ACSF2: variants seen among roughly 807,000 people sequenced by gnomAD.
ACSF2 encodes the protein medium-chain acyl-CoA ligase ACSF2, mitochondrial.
In ACSF2, 52 loss-of-function variants were observed where a neutral mutation model predicts 79.3. The observed-to-expected ratio is 0.66, with a 90% CI of 0.53 to 0.83. The LOEUF is 0.83. ACSF2 is among the 40% of genes least tolerant of loss of function. ACSF2 has a pLI of 0.00. For synonymous variants in ACSF2, 283 were observed against 312.6 expected (o/e 0.91, Z 1.00); for missense variants, 661 against 803.3 (o/e 0.82, Z 2.14).
intron 1 of ACSF2, among the ~76,000 whole-genome samples, chr17:50,447,774 AG>A (rs1267095543): frequency 6.6e-6 from 1 of 152,212 alleles, no homozygotes; most frequent in Non-Finnish European, 1.5e-5. Flanking sequence ...TTGCTCACTT[AG>A]GATGAAAGCA....
At position 50,463,137 on chromosome 17, in the gene ACSF2, G is replaced by T. The variant is rs2143718901; in HGVS notation, c.793-19G>T. ...GGAGATGAGAAGGAGGCCAAGCCATGCCCTGTTTGCCTTGTCAGGGGACAA... is the reference window on the plus strand; with the variant it reads ...GGAGATGAGAAGGAGGCCAAGCCATTCCCTGTTTGCCTTGTCAGGGGACAA... On this transcript the variant is annotated intron_variant, in intron 6 of 15. Transcript: ENST00000300441. This position sits in a 1 kb window ranked among gnomAD's most constrained non-coding sequence, Gnocchi z 4.6. 1 of 1,607,970 alleles carries T rather than the reference G, an allele frequency of 6.2e-7. No homozygotes were observed. The highest frequency in any genetic ancestry group is 1.1e-5 in the South Asian group (1 of 90,862).
chr17:50,436,331 G>A (rs773311712), intron 1 of ACSF2, among the ~76,000 whole-genome samples: 10 of 151,670 alleles, frequency 6.6e-5, no homozygotes, highest in Admixed American at 2.6e-4. Context: ...GGGTTTCACC[G>A]TGTTAGCTAA....
chr17:50,426,896 T>C (rs1250520340), intron 1 of ACSF2: 3 of 1,535,356 alleles, frequency 2.0e-6, no homozygotes, highest in South Asian at 1.2e-5. Context: ...TATTTCCTTC[T>C]GTCCTCAGTG....
chr17:50,432,749 A>G (rs775827072), intron 1 of ACSF2, among the ~76,000 whole-genome samples: 53 of 152,246 alleles, frequency 3.5e-4, no homozygotes, highest in Non-Finnish European at 6.2e-4. Flanking sequence ...ACGGGAAAGC[A>G]AATCCCAGTC....
At chr17:50,435,176 T>C (rs1407684019) in intron 1 of ACSF2, among the ~76,000 whole-genome samples, 1 of 152,138 alleles carries the variant, frequency 6.6e-6, no homozygotes, top group Non-Finnish European at 1.5e-5. Context: ...GGCCTGTGTC[T>C]GGCTTTTTTT....
intron 2 of ACSF2, 141 bp from the exon 3 acceptor site, chr17:50,461,101 A>T: frequency 7.3e-7 from 1 of 1,366,884 alleles, no homozygotes; most frequent in Admixed American, 2.1e-5. Context: ...CCCAGGGCAG[A>T]CCCACTGAGG....
In ACSF2 at chr17:50,463,553, G is replaced by A; in HGVS notation, c.1046+1G>A. 1 of 1,613,748 alleles carries A rather than the reference G, an allele frequency of 6.2e-7. No homozygotes were observed. The highest frequency in any genetic ancestry group is 8.5e-7 in the Non-Finnish European group (1 of 1,179,874). ...CACTGGAGGCCATCAGCAGAGAGAG[G>A]TGGGCACTGGTGGACAGGCTACTTG... On this transcript the variant is annotated splice_donor_variant, in intron 8 of 15. Coordinates refer to ENST00000300441, the MANE Select transcript of ACSF2 (RefSeq NM_025149.6). LOFTEE classifies it high-confidence loss of function. This position sits in a 1 kb window ranked among gnomAD's most constrained non-coding sequence, Gnocchi z 4.6.
At chr17:50,454,083 T>C (rs1323716529) in intron 1 of ACSF2, among the ~76,000 whole-genome samples, 1 of 151,684 alleles carries the variant, frequency 6.6e-6, no homozygotes, top group Non-Finnish European at 1.5e-5. Flanking sequence ...GAGAATCACA[T>C]GAGCCCGGGA....
chr17:50,473,495 C>G (rs1042369804), intron 12 of ACSF2, 170 bp from the exon 13 acceptor site: 2 of 845,782 alleles, frequency 2.4e-6, no homozygotes, highest in Non-Finnish European at 1.8e-6. Context: ...TACCTCCCCT[C>G]CCCTTACTGG....
At chr17:50,435,243 TCACA>T (rs1048369939) in intron 1 of ACSF2, among the ~76,000 whole-genome samples, 19 of 152,254 alleles carry the variant, frequency 1.2e-4, no homozygotes, top group African/African-American at 4.3e-4. Context: ...TGACAAAAAC[TCACA>T]AAAGTGAGTT....
chr17:50,455,767 C>T (rs992799538), intron 1 of ACSF2, among the ~76,000 whole-genome samples: 1 of 152,232 alleles, frequency 6.6e-6, no homozygotes, highest in Non-Finnish European at 1.5e-5. Context: ...GCCAGCAGCA[C>T]ACCTGCATTG....
chr17:50,432,031 C>G (rs2029974276), intron 1 of ACSF2, among the ~76,000 whole-genome samples: 1 of 152,074 alleles, frequency 6.6e-6, no homozygotes, highest in Non-Finnish European at 1.5e-5. Flanking sequence ...TCCCCAGTAG[C>G]TGGGACTACA....
chr17:50,430,840 G>C (rs1215871768), intron 1 of ACSF2, among the ~76,000 whole-genome samples: 2 of 152,156 alleles, frequency 1.3e-5, no homozygotes, highest in Admixed American at 6.6e-5. Flanking sequence ...TTAAACAATT[G>C]TCCCTGGGAA....
chr17:50,435,159 C>G (rs1048621328), intron 1 of ACSF2, among the ~76,000 whole-genome samples: 2 of 152,124 alleles, frequency 1.3e-5, no homozygotes, highest in Non-Finnish European at 2.9e-5. Flanking sequence ...CGTGAGCCAC[C>G]GTGCCTGGCC....
intron 1 of ACSF2, chr17:50,460,106 A>T: frequency 2.2e-6 from 1 of 449,468 alleles, no homozygotes; most frequent in Non-Finnish European, 4.5e-6. Context: ...GAACACCTAC[A>T]GGCCTGTGGA....
Position 50,473,971 on chromosome 17 carries a change from G to C in ACSF2, c.1695G>C (p.Thr565=). ...CIRLKDGEET[T]VEEIKAFCKG... ...GGCTGAAGGACGGGGAGGAGACCAC[G>C]GTGGAGGAGATAAAAGCTTTCTGCA... Residue 565 remains threonine, a synonymous_variant, in exon 14 of 16, where the codon ACG becomes ACC. Coordinates refer to ENST00000300441, the MANE Select transcript of ACSF2 (RefSeq NM_025149.6). 1.3e-6 allele frequency: 2 copies of C among 1,528,254 alleles called. No individual in the cohort carries two copies. Among genetic ancestry groups the C allele is most frequent in the Non-Finnish European group, 1.8e-6 (2 of 1,137,566 alleles). 94.7% of individuals were successfully genotyped at this position (1,528,254 alleles called of 1,614,324 possible).
Position 50,471,030 on chromosome 17 carries a change from T to A in ACSF2, c.1218T>A (p.Val406=). The part of the protein sequence containing the change: ...INKINMKDLV[V]AYGTTENSPV... ...AACACCCTTTCTGGACCCTCTAGGT[T>A]GCTTATGGAACCACAGAGAACAGTC... is the stretch of plus-strand genomic sequence containing the variant. The change falls in exon 11 of 16, where the codon GTT becomes GTA. Residue 406 remains valine (V), a splice_region_variant and synonymous_variant. Coordinates refer to ENST00000300441, the MANE Select transcript of ACSF2 (RefSeq NM_025149.6). The surrounding 1 kb of genome is among the most constrained non-coding windows in gnomAD (Gnocchi z 4.1). The A allele has an allele frequency of 6.2e-7, 1 of 1,613,800 alleles. No individual in the cohort carries two copies.
In ACSF2 at chr17:50,462,239, A is replaced by T; in HGVS notation, c.563A>T (p.Asn188Ile). Residue 188 changes from asparagine (N) to isoleucine (I), a missense_variant, in exon 5 of 16, where the codon AAC (asparagine) becomes ATC (isoleucine). Asn to Ile is a moderately radical substitution (Grantham distance 149, BLOSUM62 -3). Coordinates refer to ENST00000300441, the MANE Select transcript of ACSF2 (RefSeq NM_025149.6). ...CAATTCAAGACCCAGCAATACTACA[A>T]CGTCCTGAAGCAGATCTGTCCAGAA... ...PKQFKTQQYY[N>I]VLKQICPEVE... The T allele has an allele frequency of 6.2e-7, 1 of 1,614,034 alleles. No homozygotes were observed. Among genetic ancestry groups the T allele is most frequent in the Non-Finnish European group, 8.5e-7 (1 of 1,179,992 alleles).
chr17:50,449,786 T>C (rs181500716), intron 1 of ACSF2, among the ~76,000 whole-genome samples: 264 of 152,290 alleles, frequency 1.7e-3, no homozygotes, highest in Non-Finnish European at 2.8e-3. Flanking sequence ...ATCTTAACTA[T>C]TGAAGTTTGC....
Sources: gnomAD v4.1 joint callset for allele counts (sites outside exome capture counted in the v4.1 genomes callset) on GRCh38, gnomAD v4.1.1 for gene constraint, Gnocchi (gnomAD v3.1) non-coding constraint, MANE v1.5 for transcripts, NCBI Gene and HGNC (gene_info 2026-07-23, HGNC 2026-07-21) for gene names.